FHIT: variants seen among roughly 807,000 people sequenced by gnomAD.
The protein encoded by FHIT is fragile histidine triad diadenosine triphosphatase.
FHIT carries 19 observed loss-of-function variants against 17.9 expected under a neutral mutation model. That is an observed-to-expected ratio of 1.06 (90% CI 0.74 to 1.56). FHIT has a LOEUF of 1.56. FHIT is among the 40% of genes most tolerant of loss of function. The pLI is 0.00. For missense variants in FHIT, 248 were observed against 189.2 expected, an observed-to-expected ratio of 1.31 and a Z score of -1.82; for synonymous variants, 81 against 69.7, an observed-to-expected ratio of 1.16 and a Z score of -0.81.
rs192339958 is a variant in FHIT at position 60,288,125 on chromosome 3, G to C, written c.103+248735C>G. ...CACCTCAGGTTCACTTACAAGGCTG[G>C]AAGTTGGCGCTGGCTGTTGGAAAGA... On this transcript the variant is annotated intron_variant, in intron 5 of 9. Coordinates refer to ENST00000492590, the MANE Select transcript of FHIT (RefSeq NM_002012.4). Among the ~76,000 whole-genome samples, 3 of 152,260 alleles carry C rather than the reference G, an allele frequency of 2.0e-5. No homozygotes were observed. In the East Asian group the frequency reaches 5.8e-4, roughly 29 times the overall value.
At chr3:60,470,837 G>A (rs2033054041) in intron 5 of FHIT, among the ~76,000 whole-genome samples, 1 of 152,130 alleles carries the variant, frequency 6.6e-6, no homozygotes, top group Non-Finnish European at 1.5e-5. Flanking sequence ...GAAGCCAGCA[G>A]GGCTCTGAGT....
chr3:60,369,718 T>C (rs759720385), intron 5 of FHIT, among the ~76,000 whole-genome samples: 1 of 152,188 alleles, frequency 6.6e-6, no homozygotes, highest in Non-Finnish European at 1.5e-5. Flanking sequence ...CAAGACCTTC[T>C]ACACTGGCTG....
intron 5 of FHIT, among the ~76,000 whole-genome samples, chr3:60,238,295 C>T (rs1299749881): frequency 6.6e-6 from 1 of 151,596 alleles, no homozygotes; most frequent in Admixed American, 6.6e-5. Context: ...TATTAATGTA[C>T]AGTATAGGTG....
At chr3:60,725,698 G>C (rs1296126401) in intron 4 of FHIT, among the ~76,000 whole-genome samples, 1 of 151,992 alleles carries the variant, frequency 6.6e-6, no homozygotes, top group Admixed American at 6.6e-5. Flanking sequence ...TCAGTATTTT[G>C]CTATATCAGG....
At chr3:60,348,264 G>C (rs1003677160) in intron 5 of FHIT, among the ~76,000 whole-genome samples, 3 of 152,100 alleles carry the variant, frequency 2.0e-5, no homozygotes, top group Non-Finnish European at 4.4e-5. Context: ...TTTTAGATTA[G>C]GTTGTTAATT....
At chr3:60,441,856 T>C (rs534909864) in intron 5 of FHIT, among the ~76,000 whole-genome samples, 1 of 123,106 alleles carries the variant, frequency 8.1e-6, no homozygotes, top group East Asian at 2.5e-4. Flanking sequence ...TTTAGTTGTG[T>C]TTTTTTTTTT....
At chr3:60,522,605 T>C (rs555602795) in intron 5 of FHIT, among the ~76,000 whole-genome samples, 3 of 152,276 alleles carry the variant, frequency 2.0e-5, no homozygotes, top group African/African-American at 7.2e-5. Flanking sequence ...AGTAGAGATG[T>C]TGAGTACCAG....
chr3:61,225,518 G>T (rs1313717535), intron 1 of FHIT, among the ~76,000 whole-genome samples: 1 of 152,176 alleles, frequency 6.6e-6, no homozygotes, highest in Non-Finnish European at 1.5e-5. Context: ...TGTAAACAAA[G>T]GCATTGGGTT....
chr3:60,312,199 G>A (rs966234056), intron 5 of FHIT, among the ~76,000 whole-genome samples: 1 of 152,038 alleles, frequency 6.6e-6, no homozygotes, highest in Non-Finnish European at 1.5e-5. Context: ...GCAGTGGCAT[G>A]GTCATAGCTC....
chr3:59,759,215 G>A (rs1701376817), intron 8 of FHIT, among the ~76,000 whole-genome samples: 1 of 151,952 alleles, frequency 6.6e-6, no homozygotes, highest in South Asian at 2.1e-4. Context: ...TGGGGGGATG[G>A]CAGATCATTT....
chr3:60,255,508 G>T (rs964479706), intron 5 of FHIT, among the ~76,000 whole-genome samples: 2 of 151,968 alleles, frequency 1.3e-5, no homozygotes, highest in African/African-American at 2.4e-5. Context: ...CACCCGGGGC[G>T]ACAAACCCAA....
chr3:60,531,365 G>T (rs1486414547), intron 5 of FHIT, among the ~76,000 whole-genome samples: 2 of 138,884 alleles, frequency 1.4e-5, no homozygotes, highest in African/African-American at 2.7e-5. Context: ...TGCAAGCTCC[G>T]CCTCCCGGGT....
intron 5 of FHIT, among the ~76,000 whole-genome samples, chr3:60,129,046 TTTGTTTG>T (rs1373659943): frequency 0.037 from 4,468 of 119,954 alleles, 264 homozygotes; most frequent in African/African-American, 0.13. Flanking sequence ...TCTTTCCTTT[TTTGTTTG>T]TTTTTTTTTT....
chr3:59,787,423 G>A (rs1482016289), intron 8 of FHIT, among the ~76,000 whole-genome samples: 1 of 150,344 alleles, frequency 6.7e-6, no homozygotes, highest in Non-Finnish European at 1.5e-5. Context: ...ACGTCCTCAT[G>A]AAGAGCCAGT....
At chr3:60,021,980 T>C (rs1160493946) in intron 5 of FHIT, among the ~76,000 whole-genome samples, 1 of 152,212 alleles carries the variant, frequency 6.6e-6, no homozygotes, top group Non-Finnish European at 1.5e-5. Context: ...CATCAGCATA[T>C]TTACTGTACT....
chr3:60,933,854 A>G (rs1197643392), intron 3 of FHIT, among the ~76,000 whole-genome samples: 1 of 152,104 alleles, frequency 6.6e-6, no homozygotes, highest in Non-Finnish European at 1.5e-5. Flanking sequence ...CTCAGGCATA[A>G]GAGTAAGAAT....
At chr3:61,125,055 T>C (rs1428491765) in intron 2 of FHIT, among the ~76,000 whole-genome samples, 1 of 152,198 alleles carries the variant, frequency 6.6e-6, no homozygotes, top group Non-Finnish European at 1.5e-5. Flanking sequence ...AGAATATTAT[T>C]TAATGTAAAT....
intron 4 of FHIT, among the ~76,000 whole-genome samples, chr3:60,791,252 G>T (rs962986996): frequency 1.1e-4 from 17 of 151,838 alleles, no homozygotes; most frequent in Admixed American, 1.1e-3. Flanking sequence ...AGTAAAGAAG[G>T]GTTTCTCAGC....
At chr3:60,888,994 T>C (rs1705365784) in intron 3 of FHIT, among the ~76,000 whole-genome samples, 1 of 152,202 alleles carries the variant, frequency 6.6e-6, no homozygotes, top group Non-Finnish European at 1.5e-5. Flanking sequence ...TGCCTTCTAC[T>C]TTTAAACTTA....
Sources: gnomAD v4.1 joint callset for allele counts (sites outside exome capture counted in the v4.1 genomes callset) on GRCh38, gnomAD v4.1.1 for gene constraint, MANE v1.5 for transcripts, NCBI Gene and HGNC (gene_info 2026-07-23, HGNC 2026-07-21) for gene names.